Variants in B3GALT1 observed in about 807,000 individuals in gnomAD.
The protein encoded by B3GALT1 is UDP-Gal:betaGlcNAc beta 1,3-galactosyltransferase, polypeptide 1.
In B3GALT1, 10 loss-of-function variants were observed where a neutral mutation model predicts 23.2. That is an observed-to-expected ratio of 0.43 (90% CI 0.27 to 0.73). The LOEUF is 0.73. B3GALT1 is among the 30% of genes least tolerant of loss of function. The probability of loss-of-function intolerance (pLI) is 0.21; values close to 1 mark genes in which losing one functional copy is unlikely to be tolerated. For missense variants in B3GALT1, 299 were observed against 405.4 expected (o/e 0.74, Z 2.25); for synonymous variants, 156 against 141.5 (o/e 1.10, Z -0.73).
rs533175091 is a variant in B3GALT1 at position 167,680,581 on chromosome 2, A to C, written c.-352+33615A>C. ...TTTTTATCCTGTTTTTAAGTAGTCA[A>C]ACTGTTTTCCCAACATTCTCTAAAT... is the stretch of plus-strand genomic sequence containing the variant. On this transcript the variant is annotated intron_variant, in intron 3 of 4. Transcript: ENST00000392690. 7.9e-5 allele frequency among the ~76,000 whole-genome samples: 12 copies of C among 152,172 alleles called. No homozygotes were observed. In the South Asian group the frequency reaches 2.3e-3, roughly 29 times the overall value.
At chr2:167,421,491 A>G (rs1698546093) in intron 1 of B3GALT1, among the ~76,000 whole-genome samples, 1 of 152,216 alleles carries the variant, frequency 6.6e-6, no homozygotes, top group Non-Finnish European at 1.5e-5. Context: ...TACTCTTTAT[A>G]GGTAGAGTTG....
intron 2 of B3GALT1, among the ~76,000 whole-genome samples, chr2:167,496,420 T>A (rs1048247783): frequency 1.3e-4 from 20 of 151,478 alleles, no homozygotes; most frequent in African/African-American, 3.9e-4. Context: ...AAGAGAAGAG[T>A]AGAAAGAAAT....
chr2:167,838,047 A>G (rs1689528887), intron 4 of B3GALT1, among the ~76,000 whole-genome samples: 2 of 149,468 alleles, frequency 1.3e-5, no homozygotes, highest in South Asian at 4.3e-4. Flanking sequence ...GGAAATTTAT[A>G]GCACTAAATG....
chr2:167,659,364 A>C (rs1293774090), intron 3 of B3GALT1, among the ~76,000 whole-genome samples: 1 of 151,960 alleles, frequency 6.6e-6, no homozygotes, highest in Non-Finnish European at 1.5e-5. Flanking sequence ...GTAGTTCAAT[A>C]TTTATTATTA....
rs1316698670 is a variant in B3GALT1 at position 167,715,943 on chromosome 2, G to A, written c.-352+68977G>A. ...CAACAGCTGCGCATACCACCAGTTC[G>A]CATGGAAAACCATAAGGATTCGAAT... On this transcript the variant is annotated intron_variant, in intron 3 of 4. Transcript: ENST00000392690. 17 of 1,612,962 alleles carry A rather than the reference G, an allele frequency of 1.1e-5. No individual in the cohort carries two copies. The East Asian group carries it at 2.5e-4, about 23-fold the overall frequency.
At chr2:167,465,688 G>A (rs1699333648) in intron 1 of B3GALT1, among the ~76,000 whole-genome samples, 2 of 152,138 alleles carry the variant, frequency 1.3e-5, no homozygotes, top group Admixed American at 1.3e-4. Context: ...TTAGACCACA[G>A]CAGATATATA....
chr2:167,661,118 C>T (rs76211426), intron 3 of B3GALT1, among the ~76,000 whole-genome samples: 4,360 of 152,190 alleles, frequency 0.029, 84 homozygotes, highest in Middle Eastern at 0.048. Flanking sequence ...GGACATTCAC[C>T]ACCATCATTC....
intron 1 of B3GALT1, among the ~76,000 whole-genome samples, chr2:167,446,950 A>G (rs1156574313): frequency 6.6e-6 from 1 of 152,028 alleles, no homozygotes; most frequent in African/African-American, 2.4e-5. Context: ...GATTTTTAGA[A>G]TTTTCAGCTT....
chr2:167,629,456 A>G (rs1016481908), intron 2 of B3GALT1, among the ~76,000 whole-genome samples: 1 of 151,742 alleles, frequency 6.6e-6, no homozygotes, highest in Non-Finnish European at 1.5e-5. Flanking sequence ...CTCATCATGA[A>G]TTAATAAATA....
intron 4 of B3GALT1, among the ~76,000 whole-genome samples, chr2:167,824,034 A>G (rs973432874): frequency 2.0e-5 from 3 of 152,256 alleles, no homozygotes; most frequent in Non-Finnish European, 2.9e-5. Flanking sequence ...GGAACACAAC[A>G]GTTTCCTCTG....
At chr2:167,755,187 A>C (rs903983085) in intron 3 of B3GALT1, among the ~76,000 whole-genome samples, 4 of 152,150 alleles carry the variant, frequency 2.6e-5, no homozygotes, top group Non-Finnish European at 4.4e-5. Context: ...GCCAGCCCAC[A>C]GAAGGCTTTT....
chr2:167,332,101 C>T (rs1431504908), intron 1 of B3GALT1, among the ~76,000 whole-genome samples: 1 of 152,116 alleles, frequency 6.6e-6, no homozygotes, highest in African/African-American at 2.4e-5. Flanking sequence ...GTAGAAGTGA[C>T]TTTTCATGGT....
intron 1 of B3GALT1, among the ~76,000 whole-genome samples, chr2:167,296,936 C>T (rs1002897165): frequency 6.6e-6 from 1 of 152,122 alleles, no homozygotes; most frequent in Non-Finnish European, 1.5e-5. Context: ...CTTTCCATCT[C>T]ATTTTCTCTT....
At chr2:167,757,662 G>A (rs1687839123) in intron 3 of B3GALT1, among the ~76,000 whole-genome samples, 1 of 152,114 alleles carries the variant, frequency 6.6e-6, no homozygotes, top group Non-Finnish European at 1.5e-5. Context: ...CTGAAAAGGA[G>A]AGAAGGTCCC....
At chr2:167,861,775 G>A (rs913557463) in intron 4 of B3GALT1, among the ~76,000 whole-genome samples, 2 of 152,270 alleles carry the variant, frequency 1.3e-5, no homozygotes, top group East Asian at 3.9e-4. Context: ...TAGAAAGTAA[G>A]AGAGAGGAGA....
At chr2:167,441,638 A>T (rs1698895101) in intron 1 of B3GALT1, among the ~76,000 whole-genome samples, 1 of 152,140 alleles carries the variant, frequency 6.6e-6, no homozygotes, top group South Asian at 2.1e-4. Flanking sequence ...ACATTAATTT[A>T]TATTTTTAAC....
At chr2:167,858,332 A>T (rs1226367818) in intron 4 of B3GALT1, among the ~76,000 whole-genome samples, 7 of 151,050 alleles carry the variant, frequency 4.6e-5, no homozygotes, top group African/African-American at 1.7e-4. Flanking sequence ...TTTCTTTTGA[A>T]CAAGAGCGAA....
At chr2:167,564,930 C>T (rs1216119108) in intron 2 of B3GALT1, among the ~76,000 whole-genome samples, 1 of 152,144 alleles carries the variant, frequency 6.6e-6, no homozygotes, top group Non-Finnish European at 1.5e-5. Context: ...GGCCATACTG[C>T]CCAAGGTAAT....
In B3GALT1 at chr2:167,508,386, G is replaced by T. The variant is rs143936392; in HGVS notation, c.-410+18109G>T. ...CCATTTTCCTGCCTCAGCTTCCCAA[G>T]TAGCTGGGACTACAGGCACCCGCCA... On this transcript the variant is annotated intron_variant, in intron 2 of 4. Coordinates refer to ENST00000392690, the MANE Select transcript of B3GALT1 (RefSeq NM_020981.4). 2.6e-3 allele frequency among the ~76,000 whole-genome samples: 387 copies of T among 151,134 alleles called. 18 individuals carry two copies. In the East Asian group the frequency reaches 0.064, roughly 25 times the overall value.
Sources: allele counts gnomAD v4.1 joint callset (sites outside exome capture counted in the v4.1 genomes callset), GRCh38; gene constraint gnomAD v4.1.1; transcripts MANE v1.5; gene names NCBI Gene and HGNC (gene_info 2026-07-23, HGNC 2026-07-21).